Variants in ILDR1 observed in about 807,000 individuals in gnomAD.
The protein encoded by ILDR1 is immunoglobulin-like domain-containing receptor 1.
In ILDR1, 56 loss-of-function variants were observed where a neutral mutation model predicts 62.4. The observed-to-expected ratio is 0.90, with a 90% CI of 0.72 to 1.12. The LOEUF (loss-of-function observed/expected upper bound fraction) is 1.12. Among genes scored for constraint, ILDR1 ranks in the 50% most tolerant of loss-of-function variants. The probability of loss-of-function intolerance (pLI) is 0.00; values close to 1 mark genes in which losing one functional copy is unlikely to be tolerated. For missense variants in ILDR1, 736 were observed against 710.6 expected, an observed-to-expected ratio of 1.04 and a Z score of -0.41; for synonymous variants, 284 against 277.8, an observed-to-expected ratio of 1.02 and a Z score of -0.22.
chr3:122,019,709 A>G (rs1421986494), intron 1 of ILDR1, among the ~76,000 whole-genome samples: 1 of 152,232 alleles, frequency 6.6e-6, no homozygotes, highest in Non-Finnish European at 1.5e-5. Flanking sequence ...GCCCCAAGCC[A>G]CAGTGACCAG....
chr3:122,033,465 G>A, the ILDR1 span, among the ~76,000 whole-genome samples: 3 of 151,572 alleles, frequency 2.0e-5, no homozygotes, highest in Non-Finnish European at 4.4e-5. Context: ...TAATGCTATT[G>A]TTTGATAAAC....
At position 122,007,144 on chromosome 3, in the gene ILDR1, C is replaced by A. The variant is rs2071626760; in HGVS notation, c.76G>T (p.Val26Leu). 6.2e-7 allele frequency: 1 copy of A among 1,614,028 alleles called. No individual in the cohort carries two copies. Among genetic ancestry groups the A allele is most frequent in the Non-Finnish European group, 8.5e-7 (1 of 1,180,036 alleles). Residue 26 changes from valine (V) to leucine (L), a missense_variant, in exon 2 of 8, where the codon GTG (valine) becomes TTG (leucine). Physicochemically the swap from Val to Leu is conservative, Grantham distance 32 (BLOSUM62 1). Coordinates refer to ENST00000344209, the MANE Select transcript of ILDR1 (RefSeq NM_001199799.2). ...WLPAGCLSLL[V>L]TVQHTERYVT... ...TAGCGTTCTGTGTGCTGGACCGTCA[C>A]AAGCAAGGACAGGCACCCTAAAGCC...
chr3:122,024,199 A>T (rs2071902698), upstream of ILDR1, among the ~76,000 whole-genome samples: 1 of 152,206 alleles, frequency 6.6e-6, no homozygotes, highest in South Asian at 2.1e-4. Context: ...TAAATGAAAC[A>T]ATTTTTCAGG....
chr3:122,037,377 C>T, the ILDR1 span, among the ~76,000 whole-genome samples: 5 of 152,216 alleles, frequency 3.3e-5, no homozygotes, highest in African/African-American at 1.2e-4. Flanking sequence ...CTGTGGGAGC[C>T]CACCCCTTGC....
the ILDR1 span, chr3:122,055,655 G>A: frequency 1.4e-6 from 1 of 716,826 alleles, no homozygotes; most frequent in Middle Eastern, 2.4e-4. Context: ...GGCACATAAA[G>A]GCAAGAATTA....
intron 7 of ILDR1, among the ~76,000 whole-genome samples, chr3:121,990,388 C>T (rs977914760): frequency 6.6e-6 from 1 of 152,188 alleles, no homozygotes; most frequent in East Asian, 1.9e-4. Context: ...AGTGATAACT[C>T]CTTGGGAGAT....
chr3:122,015,949 TA>T (rs2071770613), intron 1 of ILDR1, among the ~76,000 whole-genome samples: 1 of 152,164 alleles, frequency 6.6e-6, no homozygotes, highest in Admixed American at 6.5e-5. Flanking sequence ...ACATTGCTGT[TA>T]GTCTCCCAAT....
chr3:122,001,649 TAGG>T (rs998149933), intron 4 of ILDR1, 93 bp downstream of exon 4: 24 of 1,564,470 alleles, frequency 1.5e-5, no homozygotes, highest in Non-Finnish European at 1.8e-6. Context: ...GACAAGAACT[TAGG>T]CTTGCTTATT....
At chr3:121,991,149 G>A (rs772122501) in intron 7 of ILDR1, among the ~76,000 whole-genome samples, 4 of 152,000 alleles carry the variant, frequency 2.6e-5, no homozygotes, top group Non-Finnish European at 5.9e-5. Context: ...GCAGAGAGCC[G>A]AGATTGCACC....
At position 121,993,194 on chromosome 3, in the gene ILDR1, G is replaced by C. The variant is rs1202130617; in HGVS notation, c.1555C>G (p.Pro519Ala). The C allele has an allele frequency of 6.2e-7, 1 of 1,613,294 alleles. No homozygotes were observed. The highest frequency in any genetic ancestry group is 8.5e-7 in the Non-Finnish European group (1 of 1,179,664). ...PPSYRSLDIT[P>A]GKNSRKKGSV... Reference sequence around the variant, plus strand: ...CCTTTTTTCCTGCTATTCTTGCCTGGAGTGATATCAAGTGAGCGGTAGCTA... The same window carrying C: ...CCTTTTTTCCTGCTATTCTTGCCTGCAGTGATATCAAGTGAGCGGTAGCTA... The change falls in exon 7 of 8, where the codon CCA becomes GCA. Residue 519 changes from proline (P) to alanine (A), a missense_variant. Coordinates refer to ENST00000344209, the MANE Select transcript of ILDR1 (RefSeq NM_001199799.2).
intron 5 of ILDR1, among the ~76,000 whole-genome samples, chr3:122,000,387 A>T (rs886136700): frequency 6.6e-6 from 1 of 151,920 alleles, no homozygotes; most frequent in African/African-American, 2.4e-5. Flanking sequence ...AAGTCTCCAT[A>T]AAAACCCAAA....
At chr3:121,989,033 G>T (rs1312755467) in intron 7 of ILDR1, among the ~76,000 whole-genome samples, 1 of 152,066 alleles carries the variant, frequency 6.6e-6, no homozygotes, top group Non-Finnish European at 1.5e-5. Flanking sequence ...TACGGTAGGG[G>T]ATCATTTTAT....
the ILDR1 span, among the ~76,000 whole-genome samples, chr3:122,045,819 C>T: frequency 8.0e-5 from 12 of 149,708 alleles, no homozygotes; most frequent in East Asian, 5.8e-4. Context: ...TGTCTCTGCA[C>T]GTGAGATGGG....
At chr3:122,021,544 T>A (rs1381478135) in intron 1 of ILDR1, among the ~76,000 whole-genome samples, 1 of 152,178 alleles carries the variant, frequency 6.6e-6, no homozygotes, top group East Asian at 1.9e-4. Context: ...CAGAAGTACA[T>A]GTTGTGGTCC....
intron 1 of ILDR1, among the ~76,000 whole-genome samples, chr3:122,011,671 T>A (rs989781295): frequency 3.2e-4 from 12 of 37,292 alleles, no homozygotes; most frequent in African/African-American, 1.7e-3. Context: ...TCTCTCTCTC[T>A]CTCTTTCACA....
intron 5 of ILDR1, among the ~76,000 whole-genome samples, chr3:121,998,222 C>A (rs572643358): frequency 2.6e-5 from 4 of 152,234 alleles, no homozygotes; most frequent in Non-Finnish European, 4.4e-5. Context: ...GCCACTCCTA[C>A]CAGCTTCATC....
chr3:121,988,934 G>T, intron 7 of ILDR1, among the ~76,000 whole-genome samples: 1 of 152,082 alleles, frequency 6.6e-6, no homozygotes, highest in African/African-American at 2.4e-5. Context: ...TTTTTCAGAA[G>T]TTATTCCACT....
the ILDR1 span, among the ~76,000 whole-genome samples, chr3:122,054,139 T>C: frequency 8.5e-4 from 129 of 152,364 alleles, no homozygotes; most frequent in African/African-American, 3.0e-3. Flanking sequence ...TTAGCAGTGA[T>C]GTCATCTGCT....
At chr3:122,019,452 C>G (rs979293619) in intron 1 of ILDR1, among the ~76,000 whole-genome samples, 1 of 152,012 alleles carries the variant, frequency 6.6e-6, no homozygotes, top group African/African-American at 2.4e-5. Flanking sequence ...AAATCAGAAA[C>G]CACTGCTTTG....
Sources: gnomAD v4.1 joint callset for allele counts (sites outside exome capture counted in the v4.1 genomes callset) on GRCh38, gnomAD v4.1.1 for gene constraint, MANE v1.5 for transcripts, NCBI Gene and HGNC (gene_info 2026-07-23, HGNC 2026-07-21) for gene names.